The following PRRG1 variants were observed in gnomAD, a reference collection of about 807,000 sequenced individuals.
PRRG1 encodes the protein transmembrane gamma-carboxyglutamic acid protein 1.
PRRG1 carries 5 observed loss-of-function variants against 11.8 expected under a neutral mutation model. The observed-to-expected ratio is 0.42, with a 90% CI of 0.22 to 0.89. The LOEUF (loss-of-function observed/expected upper bound fraction) is 0.89. PRRG1 is among the 40% of genes least tolerant of loss of function. The probability of loss-of-function intolerance (pLI) is 0.28; values close to 1 mark genes in which losing one functional copy is unlikely to be tolerated. For missense variants in PRRG1, 155 were observed against 166.1 expected (o/e 0.93, Z 0.37); for synonymous variants, 66 against 60.4 (o/e 1.09, Z -0.43).
At chrX:37,405,752 T>G (rs965608187) in intron 1 of PRRG1, among the ~76,000 whole-genome samples, 1 of 111,679 alleles carries the variant, frequency 9.0e-6, no homozygotes, top group Non-Finnish European at 1.9e-5. Context: ...TTTTACACCG[T>G]TTGGGAAAAT....
At chrX:37,451,254 G>A (rs1257764438) in intron 3 of PRRG1, among the ~76,000 whole-genome samples, 2 of 111,890 alleles carry the variant, frequency 1.8e-5, no homozygotes, top group Non-Finnish European at 1.9e-5. Flanking sequence ...TCCACCTCAG[G>A]TGATCGCCTG....
At chrX:37,452,438 C>T (rs782220224) in intron 3 of PRRG1, among the ~76,000 whole-genome samples, 1 of 112,030 alleles carries the variant, frequency 8.9e-6, no homozygotes, top group African/African-American at 3.2e-5. Context: ...TTAAATACTT[C>T]TCCTACATAC....
intron 3 of PRRG1, among the ~76,000 whole-genome samples, chrX:37,432,263 A>AT (rs1167586028): frequency 9.2e-6 from 1 of 108,238 alleles, no homozygotes; most frequent in African/African-American, 3.5e-5. Context: ...AATTTTTTGT[A>AT]TTTTTAGTAG....
rs1930894781 is a variant in PRRG1 at position 37,375,098 on chromosome X, A to G, written c.-42+25703A>G. On this transcript the variant is annotated intron_variant, in intron 1 of 3. Coordinates refer to ENST00000378628, the MANE Select transcript of PRRG1 (RefSeq NM_001142395.2). Reference sequence around the variant, plus strand: ...TAGCAACTTTTTCTTAAGATCTGAGATATGTAATTCTTTCTGTTGTATCCC... The same window carrying G: ...TAGCAACTTTTTCTTAAGATCTGAGGTATGTAATTCTTTCTGTTGTATCCC... Among the ~76,000 whole-genome samples, 3 of 111,797 alleles carry G rather than the reference A, an allele frequency of 2.7e-5. No homozygotes were observed. The Admixed American group carries it at 2.8e-4, about 11-fold the overall frequency.
At position 37,406,448 on chromosome X, in the gene PRRG1, T is replaced by A. The variant is rs1337928615; in HGVS notation, c.10+189T>A. ...CAACCACATTTATTCACTGGATCTT[T>A]GATTTTCTTCTTTTGTAGAGACCTC... On this transcript the variant is annotated intron_variant, in intron 2 of 3. Transcript: ENST00000378628. Among the ~76,000 whole-genome samples the A allele has an allele frequency of 2.7e-5, 3 of 110,854 alleles. No homozygotes were observed. The Admixed American group carries it at 2.9e-4, about 11-fold the overall frequency.
chrX:37,414,613 A>T (rs897417513), intron 2 of PRRG1, among the ~76,000 whole-genome samples: 52 of 113,123 alleles, frequency 4.6e-4, no homozygotes, highest in African/African-American at 1.6e-3. Context: ...TCCTTCAGAC[A>T]GAACAACTGT....
rs113405620 is a variant in PRRG1, at chrX:37,409,381, G to A, written c.10+3122G>A. ...AGAAAATTTGCATAGAAATTAACCC[G>A]TGCAGTTCAAATATGTGTTGTTCAA... On this transcript the variant is annotated intron_variant, in intron 2 of 3. Coordinates refer to ENST00000378628, the MANE Select transcript of PRRG1 (RefSeq NM_001142395.2). 6.8e-3 allele frequency among the ~76,000 whole-genome samples: 760 copies of A among 111,799 alleles called. 5 individuals are homozygous for A. The highest frequency in any genetic ancestry group is 0.023 in the African/African-American group (719 of 30,833).
At chrX:37,399,286 G>A (rs1931857096) in intron 1 of PRRG1, among the ~76,000 whole-genome samples, 1 of 111,708 alleles carries the variant, frequency 9.0e-6, no homozygotes, top group Admixed American at 9.4e-5. Flanking sequence ...TGATCTCTTG[G>A]CAGAAACTCT....
At position 37,363,241 on chromosome X, in the gene PRRG1, A is replaced by T. The variant is rs782815875; in HGVS notation, c.-42+13846A>T. On this transcript the variant is annotated intron_variant, in intron 1 of 3. Coordinates refer to ENST00000378628, the MANE Select transcript of PRRG1 (RefSeq NM_001142395.2). ...AATCAGGTTTCTCTGACATTACAGC[A>T]TGGAGCTTTTTTTTTAGGAGACCCG... Among the ~76,000 whole-genome samples, 62 of 112,052 alleles carry T rather than the reference A, an allele frequency of 5.5e-4. No individual in the cohort carries two copies. In the Middle Eastern group the frequency reaches 0.023, roughly 42 times the overall value.
intron 1 of PRRG1, among the ~76,000 whole-genome samples, chrX:37,363,298 C>T (rs1159738728): frequency 9.0e-6 from 1 of 111,513 alleles, no homozygotes; most frequent in Non-Finnish European, 1.9e-5. Context: ...GCTGTCTCTT[C>T]TCATTCTCAG....
chrX:37,366,657 A>G (rs1321537246), intron 1 of PRRG1, among the ~76,000 whole-genome samples: 2 of 111,991 alleles, frequency 1.8e-5, no homozygotes, highest in African/African-American at 6.5e-5. Flanking sequence ...GTTAGCCATC[A>G]CATTGCTGCT....
At chrX:37,372,463 C>T (rs1930796232) in intron 1 of PRRG1, among the ~76,000 whole-genome samples, 1 of 111,403 alleles carries the variant, frequency 9.0e-6, no homozygotes, top group Non-Finnish European at 1.9e-5. Context: ...ACCACCATGC[C>T]CAGCTAATTT....
At chrX:37,393,364 A>G (rs1197539309) in intron 1 of PRRG1, among the ~76,000 whole-genome samples, 3 of 109,654 alleles carry the variant, frequency 2.7e-5, no homozygotes, top group East Asian at 5.5e-4. Flanking sequence ...AAATTTACAT[A>G]TATCTATACC....
At chrX:37,396,650 C>G (rs2146563326) in intron 1 of PRRG1, among the ~76,000 whole-genome samples, 1 of 111,109 alleles carries the variant, frequency 9.0e-6, no homozygotes, top group East Asian at 2.8e-4. Flanking sequence ...ATTTCCCAGT[C>G]TCAGGTATGT....
chrX:37,398,742 A>C (rs1384133254), intron 1 of PRRG1, among the ~76,000 whole-genome samples: 1 of 111,841 alleles, frequency 8.9e-6, no homozygotes, highest in South Asian at 3.8e-4. Context: ...AAAAAAATTT[A>C]GACGAATGTA....
intron 1 of PRRG1, among the ~76,000 whole-genome samples, chrX:37,357,129 T>G (rs1469182436): frequency 8.9e-6 from 1 of 111,947 alleles, no homozygotes; most frequent in Non-Finnish European, 1.9e-5. Flanking sequence ...TAGTTTTTCC[T>G]TTTTCAAAAT....
chrX:37,353,815 A>G (rs1930147410), intron 1 of PRRG1, among the ~76,000 whole-genome samples: 2 of 112,524 alleles, frequency 1.8e-5, no homozygotes, highest in South Asian at 3.7e-4. Context: ...AGTACATTCT[A>G]TGATGTTGAC....
intron 3 of PRRG1, among the ~76,000 whole-genome samples, chrX:37,434,890 T>G (rs1225114751): frequency 1.8e-5 from 2 of 112,028 alleles, no homozygotes; most frequent in African/African-American, 3.2e-5. Flanking sequence ...AGTAATTCTT[T>G]AAAACAATGA....
intron 3 of PRRG1, among the ~76,000 whole-genome samples, chrX:37,440,076 A>C (rs1034963930): frequency 1.6e-4 from 18 of 111,302 alleles, no homozygotes; most frequent in African/African-American, 5.6e-4. Flanking sequence ...CTCGGGTTAC[A>C]GGCAGGAGCC....
Sources: gnomAD v4.1 joint callset for allele counts (sites outside exome capture counted in the v4.1 genomes callset) on GRCh38, gnomAD v4.1.1 for gene constraint, MANE v1.5 for transcripts, NCBI Gene and HGNC (gene_info 2026-07-23, HGNC 2026-07-21) for gene names.